Variants in FRMD4A observed in about 807,000 individuals in gnomAD.
FRMD4A encodes FERM domain-containing protein 4A.
FRMD4A carries 29 observed loss-of-function variants against 129.1 expected under a neutral mutation model. The ratio of observed to expected loss-of-function variants is 0.22; its 90% CI spans 0.17 to 0.31. FRMD4A has a LOEUF of 0.31. Among genes scored for constraint, FRMD4A ranks in the 10% least tolerant of loss-of-function variants. The pLI, the probability that FRMD4A is intolerant of heterozygous loss-of-function variation, is 1.00. For synonymous variants in FRMD4A, 634 were observed against 571.6 expected (o/e 1.11, Z -1.56); for missense variants, 1,272 against 1,375.8 (o/e 0.92, Z 1.19).
intron 2 of FRMD4A, among the ~76,000 whole-genome samples, chr10:13,974,390 C>G (rs1263775131): frequency 6.6e-6 from 1 of 152,084 alleles, no homozygotes; most frequent in African/African-American, 2.4e-5. Context: ...GGAATCGGAG[C>G]CTGGTGACAC....
chr10:13,662,094 T>C (rs963088132), intron 19 of FRMD4A, among the ~76,000 whole-genome samples: 4 of 152,142 alleles, frequency 2.6e-5, no homozygotes, highest in African/African-American at 9.7e-5. Flanking sequence ...ACATTACCTA[T>C]TGCTCCAGGC....
chr10:13,694,573 C>G (rs1267385381), intron 14 of FRMD4A, among the ~76,000 whole-genome samples: 1 of 152,140 alleles, frequency 6.6e-6, no homozygotes, highest in Non-Finnish European at 1.5e-5. Flanking sequence ...TGTGAAAGAC[C>G]TAAGAGATTT....
intron 2 of FRMD4A, chr10:13,890,566 C>T (rs961247986): frequency 1.0e-6 from 1 of 984,132 alleles, no homozygotes; most frequent in Non-Finnish European, 1.2e-6. Flanking sequence ...GCTGTCACCA[C>T]TGACCAGCTC....
intron 3 of FRMD4A, among the ~76,000 whole-genome samples, chr10:13,855,762 T>TAG (rs2094203670): frequency 6.6e-6 from 1 of 152,174 alleles, no homozygotes; most frequent in African/African-American, 2.4e-5. Context: ...ATTAAAAACC[T>TAG]AGAGGTGGGT....
intron 13 of FRMD4A, among the ~76,000 whole-genome samples, chr10:13,705,664 A>G (rs976033852): frequency 2.0e-5 from 3 of 151,680 alleles, no homozygotes; most frequent in Non-Finnish European, 2.9e-5. Flanking sequence ...TATTTTTGAA[A>G]TCTCCCCGCC....
chr10:14,028,498 T>C (rs369452524), intron 2 of FRMD4A, among the ~76,000 whole-genome samples: 1 of 152,320 alleles, frequency 6.6e-6, no homozygotes, highest in African/African-American at 2.4e-5. Context: ...CTGTTCTCCA[T>C]GCTCTGATCC....
At chr10:13,851,794 G>T (rs1343040608) in intron 3 of FRMD4A, among the ~76,000 whole-genome samples, 1 of 151,866 alleles carries the variant, frequency 6.6e-6, no homozygotes, top group Non-Finnish European at 1.5e-5. Context: ...CAGCCACTCA[G>T]GAGGCTGAGG....
chr10:13,751,386 C>T (rs2091616712), intron 8 of FRMD4A, among the ~76,000 whole-genome samples: 1 of 152,164 alleles, frequency 6.6e-6, no homozygotes, highest in South Asian at 2.1e-4. Flanking sequence ...GATCCATGGC[C>T]CTTCATCCTT....
At chr10:13,659,961 G>C (rs529324463) in intron 20 of FRMD4A, among the ~76,000 whole-genome samples, 245 of 152,298 alleles carry the variant, frequency 1.6e-3, no homozygotes, top group Non-Finnish European at 2.1e-3. Flanking sequence ...GCTGGATGAG[G>C]GGGTAGAGTT....
chr10:14,319,698 C>G (rs1411005842), intron 2 of FRMD4A, among the ~76,000 whole-genome samples: 3 of 152,154 alleles, frequency 2.0e-5, no homozygotes, highest in Non-Finnish European at 4.4e-5. Context: ...TATTTCCTCT[C>G]TATAATCTCT....
At chr10:14,242,589 C>T (rs1844086927) in intron 2 of FRMD4A, among the ~76,000 whole-genome samples, 1 of 152,166 alleles carries the variant, frequency 6.6e-6, no homozygotes, top group African/African-American at 2.4e-5. Flanking sequence ...ACCTATGCCT[C>T]TAGTGCATGA....
intron 22 of FRMD4A, chr10:13,655,722 TC>T (rs1434157324): frequency 6.6e-6 from 1 of 152,204 alleles, no homozygotes; most frequent in Admixed American, 6.5e-5. Context: ...TTTACCAAAT[TC>T]CTGACTCAGA....
intron 2 of FRMD4A, among the ~76,000 whole-genome samples, chr10:13,956,146 T>A (rs1424326483): frequency 6.6e-6 from 1 of 152,162 alleles, no homozygotes. Context: ...AGAATTCTTT[T>A]TTTTCTTTTT....
At position 14,011,346 on chromosome 10, in the gene FRMD4A, G is replaced by T. The variant is rs575592869; in HGVS notation, c.46-152434C>A. ...GACGGAGGGGCTAAGAACCACAAAG[G>T]GGGAGGCAGGGAGGCTGGCCTAAGG... On this transcript the variant is annotated intron_variant, in intron 2 of 24. Transcript: ENST00000357447. Among the ~76,000 whole-genome samples, 3 of 152,174 alleles carry T rather than the reference G, an allele frequency of 2.0e-5. No homozygotes were observed. In the South Asian group the frequency reaches 6.2e-4, roughly 31 times the overall value.
intron 6 of FRMD4A, among the ~76,000 whole-genome samples, chr10:13,768,792 T>A (rs35524873): frequency 0.19 from 29,406 of 152,086 alleles, 3,482 homozygotes; most frequent in Non-Finnish European, 0.25. Flanking sequence ...AAAATGGGGA[T>A]AACAATTTCC....
Position 14,027,083 on chromosome 10 carries a change from T to C in FRMD4A, c.46-168171A>G, listed in dbSNP as rs147380948. Among the ~76,000 whole-genome samples, 454 of 152,358 alleles carry C rather than the reference T, an allele frequency of 3.0e-3. 2 individuals are homozygous for C. Among genetic ancestry groups the C allele is most frequent in the African/African-American group, 9.8e-3 (407 of 41,580 alleles). On this transcript the variant is annotated intron_variant, in intron 2 of 24. Transcript: ENST00000357447. The stretch of plus-strand genomic sequence containing the variant: ...ATGGGGGTCTCCATCCCCTCAAGCA[T>C]TTATCCTTCGAAAACCAAGTCCTCT...
At chr10:13,738,092 T>C (rs1332165536) in intron 11 of FRMD4A, among the ~76,000 whole-genome samples, 162 bp from the exon 12 acceptor site, 1 of 152,132 alleles carries the variant, frequency 6.6e-6, no homozygotes, top group Non-Finnish European at 1.5e-5. Context: ...GCGTCTGTCA[T>C]TGAAGGATAC....
At chr10:13,945,810 T>C (rs1465481337) in intron 2 of FRMD4A, among the ~76,000 whole-genome samples, 1 of 152,224 alleles carries the variant, frequency 6.6e-6, no homozygotes, top group African/African-American at 2.4e-5. Flanking sequence ...TGGCTGTTGT[T>C]GCTTTCTCCT....
chr10:13,845,651 G>T lies in FRMD4A; in HGVS notation c.111+13196C>A, dbSNP rs57424648. 3.9e-5 allele frequency among the ~76,000 whole-genome samples: 6 copies of T among 152,228 alleles called. No homozygotes were observed. In the East Asian group the frequency reaches 7.7e-4, roughly 20 times the overall value. ...GGCCTCTGATCCCAGCCTAAGAGAT[G>T]CCCATGTTGTGCCAGACAGTCTTGG... is the stretch of plus-strand genomic sequence containing the variant. On this transcript the variant is annotated intron_variant, in intron 3 of 24. Transcript: ENST00000357447.
Sources: gnomAD v4.1 joint callset for allele counts (sites outside exome capture counted in the v4.1 genomes callset) on GRCh38, gnomAD v4.1.1 for gene constraint, MANE v1.5 for transcripts, NCBI Gene and HGNC (gene_info 2026-07-23, HGNC 2026-07-21) for gene names.